The following PLEC variants were observed in gnomAD, a reference collection of about 807,000 sequenced individuals.
The protein encoded by PLEC is plectin, also known as hemidesmosomal protein 1.
Under a neutral mutation model 392.8 loss-of-function variants are expected in PLEC, and 216 were observed. That is an observed-to-expected ratio of 0.55 (90% confidence interval 0.49 to 0.62). PLEC has a LOEUF of 0.62. PLEC is among the 20% of genes least tolerant of loss of function. The pLI is 0.00. For synonymous variants in PLEC, 3,621 were observed against 2,980.6 expected (o/e 1.21, Z -7.00); for missense variants, 6,863 against 6,563.4 (o/e 1.05, Z -1.58).
chr8:143,960,367 A>G (rs782531500), intron 1 of PLEC, among the ~76,000 whole-genome samples: 24 of 152,110 alleles, frequency 1.6e-4, no homozygotes, highest in Non-Finnish European at 2.8e-4. Context: ...CCTGTAATTC[A>G]GCACTTTGGG....
upstream of PLEC, among the ~76,000 whole-genome samples, chr8:143,975,649 C>A (rs528482150): frequency 2.6e-5 from 4 of 151,912 alleles, no homozygotes; most frequent in Admixed American, 2.0e-4. The surrounding 1 kb of genome is among the most constrained non-coding windows in gnomAD (Gnocchi z 9.9). Flanking sequence ...CCCCCAGCCA[C>A]TGGCCTTACC....
At position 143,920,577 on chromosome 8, in the gene PLEC, C is replaced by T. The variant is rs1180116791; in HGVS notation, c.9244G>A (p.Val3082Met). ...TCGGGGCCCACCAGGCCAGCACGCA[C>T]TGCCTCGTCCACGGTCAGCCGGGCG... ...TSARLTVDEA[V>M]RAGLVGPEFH... The change falls in exon 32 of 32, where the codon GTG becomes ATG. Residue 3082 changes from valine (V) to methionine (M), a missense_variant. Val to Met is a conservative substitution (Grantham distance 21). Transcript: ENST00000345136. The T allele has an allele frequency of 3.1e-6, 5 of 1,610,868 alleles. No homozygotes were observed. The Admixed American group carries it at 5.0e-5, about 16-fold the overall frequency.
rs528054194 is a variant in PLEC at position 143,929,917 on chromosome 8, G to A, written c.2739+19C>T. 25 of 1,607,402 alleles carry A rather than the reference G, an allele frequency of 1.6e-5. No individual in the cohort carries two copies. The highest frequency in any genetic ancestry group is 1.0e-4 in the Admixed American group (6 of 59,822). ...CCCTCCTCCCACCCAGAGAGCCCCC[G>A]GCTCGGGGGCAGGCGTACCGTGGCC... is the stretch of plus-strand genomic sequence containing the variant. On this transcript the variant is annotated intron_variant, in intron 22 of 31. Coordinates refer to ENST00000345136, the MANE Select transcript of PLEC (RefSeq NM_201384.3).
upstream of PLEC, among the ~76,000 whole-genome samples, chr8:143,942,917 G>A (rs918975305): frequency 1.1e-4 from 17 of 152,200 alleles, no homozygotes; most frequent in Admixed American, 1.3e-4. Flanking sequence ...CACCACCAGG[G>A]AGTAGAGGCA....
rs371534902 is a variant in PLEC, at chr8:143,917,146, G to C, written c.12675C>G (p.Gly4225=). The change falls in exon 32 of 32, where the codon GGC becomes GGG. Residue 4225 remains glycine, a synonymous_variant. Coordinates refer to ENST00000345136, the MANE Select transcript of PLEC (RefSeq NM_201384.3). ...DRSALDQYRA[G]TLSITEFADM... ...CGGCGAACTCGGTGATGGAGAGCGT[G>C]CCGGCGCGGTACTGGTCCAGTGCCG... 7.7e-5 allele frequency: 123 copies of C among 1,604,916 alleles called. No individual in the cohort carries two copies. The highest frequency in any genetic ancestry group is 1.0e-4 in the Non-Finnish European group (120 of 1,173,054).
chr8:143,941,557 T>C (rs1436809587), upstream of PLEC, among the ~76,000 whole-genome samples: 2 of 151,900 alleles, frequency 1.3e-5, no homozygotes, highest in African/African-American at 4.8e-5. Flanking sequence ...GGCTGGGGGC[T>C]CGGTCAGGGG....
Position 143,929,974 on chromosome 8 carries a change from G to A in PLEC, c.2701C>T (p.Arg901Cys), listed in dbSNP as rs782577033. ...CAGGAGCGGATGAGCTGCACGTCGCGGCGAAGGCTCTGCCAGGCCAGAAGG... is the reference window on the plus strand; with the variant it reads ...CAGGAGCGGATGAGCTGCACGTCGCAGCGAAGGCTCTGCCAGGCCAGAAGG... Reference protein sequence around the residue: ...KSLLAWQSLRRDVQLIRSWSL... With the variant: ...KSLLAWQSLRCDVQLIRSWSL... Residue 901 changes from arginine to cysteine, a missense_variant, in exon 22 of 32, where the codon CGC becomes TGC. Coordinates refer to ENST00000345136, the MANE Select transcript of PLEC (RefSeq NM_201384.3). 19 of 1,611,382 alleles carry A rather than the reference G, an allele frequency of 1.2e-5. No homozygotes were observed. Among genetic ancestry groups the A allele is most frequent in the Admixed American group, 1.0e-4 (6 of 59,916 alleles).
rs1399422584 is a variant in PLEC at position 143,923,895 on chromosome 8, C to T, written c.6034G>A (p.Glu2012Lys). ...RQRKAALEEV[E>K]RLKAKVEEAR... ...TCCTCCACCTTGGCTTTCAGCCGCT[C>T]GACTTCCTCCAGCGCCGCCTTCCGC... The change falls in exon 31 of 32, where the codon GAG (glutamate) becomes AAG (lysine). Residue 2012 changes from glutamate to lysine, a missense_variant. Coordinates refer to ENST00000345136, the MANE Select transcript of PLEC (RefSeq NM_201384.3). 3.1e-6 allele frequency: 5 copies of T among 1,594,582 alleles called. No homozygotes were observed. The highest frequency in any genetic ancestry group is 1.3e-5 in the African/African-American group (1 of 74,734).
At position 143,924,652 on chromosome 8, in the gene PLEC, C is replaced by T. The variant is rs1554698487; in HGVS notation, c.5277G>A (p.Lys1759=). ...GCAGCACCTCCATCTCGGCCCGCACCTTGGCCAGCTCGGCTTCCAGCTCCT... is the reference window on the plus strand; with the variant it reads ...GCAGCACCTCCATCTCGGCCCGCACTTTGGCCAGCTCGGCTTCCAGCTCCT... ...KRQELEAELA[K]VRAEMEVLLA... is the part of the protein sequence containing the mutation. Residue 1759 remains lysine, a synonymous_variant, in exon 31 of 32, where the codon AAG becomes AAA. Transcript: ENST00000345136. 1 of 1,537,084 alleles carries T rather than the reference C, an allele frequency of 6.5e-7. No individual in the cohort carries two copies.
chr8:143,960,636 T>C (rs1245374914), intron 1 of PLEC, among the ~76,000 whole-genome samples: 1 of 151,986 alleles, frequency 6.6e-6, no homozygotes, highest in Non-Finnish European at 1.5e-5. Context: ...AAAAAGAACT[T>C]ATAACAGTTT....
chr8:143,928,487 C>T (rs1200343871), intron 25 of PLEC, among the ~76,000 whole-genome samples: 2 of 127,684 alleles, frequency 1.6e-5, no homozygotes, highest in Non-Finnish European at 3.5e-5. Context: ...GGCCCTATCA[C>T]TGTGCTGGTT....
In PLEC at chr8:143,925,238, T is replaced by C; in HGVS notation, c.4691A>G (p.Gln1564Arg). The change falls in exon 31 of 32, where the codon CAG becomes CGG. Residue 1564 changes from glutamine (Q) to arginine (R), a missense_variant. Physicochemically the swap from Gln to Arg is conservative, Grantham distance 43 (BLOSUM62 1). Coordinates refer to ENST00000345136, the MANE Select transcript of PLEC (RefSeq NM_201384.3). ...QAEVERARQV[Q>R]VALETAQRSA... ...GCGCTGCGCCGTCTCCAGGGCCACC[T>C]GTACCTGCCGCGCTCGCTCCACCTC... is the stretch of plus-strand genomic sequence containing the variant. 6.3e-7 allele frequency: 1 copy of C among 1,589,248 alleles called. No homozygotes were observed. The highest frequency in any genetic ancestry group is 8.5e-7 in the Non-Finnish European group (1 of 1,175,830).
In PLEC at chr8:143,917,436, T is replaced by G; in HGVS notation, c.12385A>C (p.Lys4129Gln). The change falls in exon 32 of 32, where the codon AAG becomes CAG. Residue 4129 changes from lysine to glutamine, a missense_variant. Coordinates refer to ENST00000345136, the MANE Select transcript of PLEC (RefSeq NM_201384.3). ...CGCACGGAGGACTTGGAGGACGTCTTCCGCTCCCGCTTCTTCTCCTTCAGC... is the reference window on the plus strand; with the variant it reads ...CGCACGGAGGACTTGGAGGACGTCTGCCGCTCCCGCTTCTTCTCCTTCAGC... ...LPLKEKKRER[K>Q]TSSKSSVRKR... The G allele has an allele frequency of 6.2e-7, 1 of 1,613,322 alleles. No homozygotes were observed. The highest frequency in any genetic ancestry group is 8.5e-7 in the Non-Finnish European group (1 of 1,179,986).
In PLEC at chr8:143,939,444, G is replaced by C. The variant is rs782492635; in HGVS notation, c.18C>G (p.Leu6=). ...CCAGGCCCTCGGGCTGCGGCACGCG[G>C]AGCTGGTGCTGAGACATGCTGCCCC... is the stretch of plus-strand genomic sequence containing the variant. MSQHQ[L]RVPQPEGLGR... The change falls in exon 1 of 32, where the codon CTC becomes CTG. Residue 6 remains leucine, a synonymous_variant. Transcript: ENST00000345136. 9 of 1,611,976 alleles carry C rather than the reference G, an allele frequency of 5.6e-6. No individual in the cohort carries two copies. Among genetic ancestry groups the C allele is most frequent in the Non-Finnish European group, 7.6e-6 (9 of 1,179,648 alleles).
chr8:143,917,537 G>A lies in PLEC; in HGVS notation c.12284C>T (p.Thr4095Met), dbSNP rs1464501088. ...CTGCAGGTAGGTGAGGTTCTCCTCC[G>A]TGTTAGGGTCAAAGAAGCCCTTGGT... is the stretch of plus-strand genomic sequence containing the variant. ...DDTKGFFDPN[T>M]EENLTYLQLM... The change falls in exon 32 of 32, where the codon ACG becomes ATG. Residue 4095 changes from threonine to methionine, a missense_variant. By Grantham distance (81) the Thr-to-Met change is moderately conservative (BLOSUM62 -1). Coordinates refer to ENST00000345136, the MANE Select transcript of PLEC (RefSeq NM_201384.3). 2.4e-5 allele frequency: 38 copies of A among 1,613,840 alleles called. No homozygotes were observed. Among genetic ancestry groups the A allele is most frequent in the African/African-American group, 4.0e-5 (3 of 74,946 alleles).
intron 1 of PLEC, among the ~76,000 whole-genome samples, chr8:143,967,053 T>TA (rs1449982509): frequency 6.6e-6 from 1 of 152,124 alleles, no homozygotes; most frequent in Non-Finnish European, 1.5e-5. Context: ...TAAAAATTGA[T>TA]ATGGCTAAAG....
At chr8:143,975,095 C>G, upstream of PLEC, 1 of 1,487,976 alleles carries the variant, frequency 6.7e-7, no homozygotes, top group Non-Finnish European at 9.2e-7. This position sits in a 1 kb window ranked among gnomAD's most constrained non-coding sequence, Gnocchi z 9.9. Context: ...ACCCAGTCCC[C>G]GCTCCAGCGC....
chr8:143,922,156 C>T lies in PLEC; in HGVS notation c.7665G>A (p.Ala2555=), dbSNP rs567558623. Residue 2555 remains alanine (A), a synonymous_variant, in exon 32 of 32, where the codon GCG becomes GCA. Transcript: ENST00000345136. ...RQRLVASMEE[A]RRRQHEAEEG... is the part of the protein sequence containing the mutation. ...CCTCGGCCTCATGCTGCCGCCGCCG[C>T]GCCTCCTCCATGCTGGCCACCAGCC... is the stretch of plus-strand genomic sequence containing the variant. 46 of 1,540,540 alleles carry T rather than the reference C, an allele frequency of 3.0e-5. No homozygotes were observed. Among genetic ancestry groups the T allele is most frequent in the East Asian group, 1.9e-4 (8 of 41,160 alleles).
intron 1 of PLEC, among the ~76,000 whole-genome samples, chr8:143,972,253 G>A (rs1833465929): frequency 6.6e-6 from 1 of 152,214 alleles, no homozygotes; most frequent in East Asian, 1.9e-4. Flanking sequence ...TCTAAGGCAG[G>A]GCCGGCCATG....
Sources: allele counts gnomAD v4.1 joint callset (sites outside exome capture counted in the v4.1 genomes callset), GRCh38; gene constraint gnomAD v4.1.1; non-coding constraint Gnocchi (gnomAD v3.1); transcripts MANE v1.5; gene names NCBI Gene and HGNC (gene_info 2026-07-23, HGNC 2026-07-21).